GNG4: variants seen among roughly 807,000 people sequenced by gnomAD.
GNG4 encodes guanine nucleotide-binding protein G(I)/G(S)/G(O) subunit gamma-4.
In GNG4, 4 loss-of-function variants were observed where a neutral mutation model predicts 5.8. The observed-to-expected ratio is 0.69, with a 90% CI of 0.34 to 1.57. The LOEUF (loss-of-function observed/expected upper bound fraction) is 1.57, where lower values mean the gene tolerates loss of function less well. GNG4 is among the 40% of genes most tolerant of loss of function. The probability of loss-of-function intolerance (pLI) is 0.06; values close to 1 mark genes in which losing one functional copy is unlikely to be tolerated. For synonymous variants in GNG4, 29 were observed against 32.9 expected, an observed-to-expected ratio of 0.88 and a Z score of 0.41; for missense variants, 96 against 95.1, an observed-to-expected ratio of 1.01 and a Z score of -0.04.
chr1:235,615,680 A>G, intron 1 of GNG4: 1 of 212,086 alleles, frequency 4.7e-6, no homozygotes, highest in Non-Finnish European at 1.0e-5. Flanking sequence ...TTTCTCAAAC[A>G]GGAAAATGAA....
intron 2 of GNG4, among the ~76,000 whole-genome samples, chr1:235,593,291 C>G (rs2102953760): frequency 6.6e-6 from 1 of 152,336 alleles, no homozygotes; most frequent in East Asian, 1.9e-4. Flanking sequence ...CAGCACACAA[C>G]TCAGTAAATA....
chr1:235,629,270 C>T (rs937866876), intron 1 of GNG4, among the ~76,000 whole-genome samples: 2 of 152,066 alleles, frequency 1.3e-5, no homozygotes, highest in Non-Finnish European at 1.5e-5. Context: ...CCACCTTGGC[C>T]TCCCAAAGTG....
intron 3 of GNG4, among the ~76,000 whole-genome samples, chr1:235,581,305 G>A (rs1332859296): frequency 2.6e-5 from 4 of 152,052 alleles, no homozygotes; most frequent in South Asian, 2.1e-4. Context: ...CGAGGCAGGC[G>A]GATCACGAGG....
chr1:235,556,182 C>T (rs7539879), intron 3 of GNG4, among the ~76,000 whole-genome samples: 100,068 of 151,632 alleles, frequency 0.66, 33,888 homozygotes, highest in East Asian at 0.85. Context: ...TTTTCAAGTA[C>T]ACATGATAAG....
chr1:235,554,564 C>T (rs982610841), intron 3 of GNG4, among the ~76,000 whole-genome samples: 2 of 152,190 alleles, frequency 1.3e-5, no homozygotes, highest in African/African-American at 2.4e-5. Flanking sequence ...AATGGCTCGG[C>T]TGGACGCAGT....
rs559720406 is a variant in GNG4, at chr1:235,571,442, G to A, written c.99+12298C>T. On this transcript the variant is annotated intron_variant, in intron 3 of 3. Transcript: ENST00000391854. ...GCTGTGAGAATTGAATGAATTTAAT[G>A]TGACTTGTTCAGAACAACGCGTATT... Among the ~76,000 whole-genome samples the A allele has an allele frequency of 6.6e-5, 10 of 152,296 alleles. No individual in the cohort carries two copies. The East Asian group carries it at 1.5e-3, about 24-fold the overall frequency.
Position 235,636,818 on chromosome 1 carries a change from G to T in GNG4, c.-123+12844C>A, listed in dbSNP as rs537592644. Among the ~76,000 whole-genome samples the T allele has an allele frequency of 1.4e-4, 21 of 152,228 alleles. No homozygotes were observed. The Middle Eastern group carries it at 0.01, about 74-fold the overall frequency. On this transcript the variant is annotated intron_variant, in intron 1 of 3. Coordinates refer to ENST00000391854, the MANE Select transcript of GNG4 (RefSeq NM_001098722.2). ...ATTCTGGGACCCTATTTCCTTGTAA[G>T]TGCATTCTAGGTCTTTCCCTGCTAC...
chr1:235,616,105 G>A, intron 1 of GNG4: 1 of 447,458 alleles, frequency 2.2e-6, no homozygotes, highest in Admixed American at 2.5e-5. Flanking sequence ...GCGCTAGGAG[G>A]ACCATTCAGC....
chr1:235,588,225 TG>T (rs1241116890), intron 2 of GNG4, among the ~76,000 whole-genome samples: 2 of 152,082 alleles, frequency 1.3e-5, no homozygotes, highest in African/African-American at 2.4e-5. Context: ...TTCCTTGTTG[TG>T]CGCTGGAGAT....
At chr1:235,583,377 A>T (rs1206791000) in intron 3 of GNG4, among the ~76,000 whole-genome samples, 1 of 152,246 alleles carries the variant, frequency 6.6e-6, no homozygotes, top group Non-Finnish European at 1.5e-5. Context: ...CTGTCAAAAT[A>T]TCCGATGTTG....
intron 3 of GNG4, among the ~76,000 whole-genome samples, chr1:235,557,504 C>A (rs1436120592): frequency 1.3e-5 from 2 of 152,148 alleles, no homozygotes; most frequent in Admixed American, 1.3e-4. Context: ...CTCCAAGACA[C>A]CCCTTCCTCT....
rs1657370637 is a variant in GNG4 at position 235,642,754 on chromosome 1, T to G, written c.-123+6908A>C. On this transcript the variant is annotated intron_variant, in intron 1 of 3. Transcript: ENST00000391854. This position sits in a 1 kb window ranked among gnomAD's most constrained non-coding sequence, Gnocchi z 4.3. ...GTGTTCTTGGAGGCGCGGGCCTCCC[T>G]GCTGTCATCACACCTCGGATCACCC... is the stretch of plus-strand genomic sequence containing the variant. Among the ~76,000 whole-genome samples the G allele has an allele frequency of 1.3e-5, 2 of 152,278 alleles. No individual in the cohort carries two copies. The highest frequency in any genetic ancestry group is 4.1e-4 in the South Asian group (2 of 4,828).
At chr1:235,592,748 T>G (rs1688004183) in intron 2 of GNG4, among the ~76,000 whole-genome samples, 2 of 152,170 alleles carry the variant, frequency 1.3e-5, no homozygotes, top group Non-Finnish European at 2.9e-5. Context: ...ATCTTACCTG[T>G]AACTTCTTTC....
chr1:235,609,533 T>G (rs1476633365), intron 1 of GNG4, among the ~76,000 whole-genome samples: 2 of 152,196 alleles, frequency 1.3e-5, no homozygotes, highest in Non-Finnish European at 2.9e-5. Context: ...TTGGCATCAT[T>G]TACTTTAAAA....
intron 3 of GNG4, among the ~76,000 whole-genome samples, chr1:235,572,988 CA>C (rs2102930634): frequency 6.6e-6 from 1 of 152,238 alleles, no homozygotes; most frequent in East Asian, 1.9e-4. Flanking sequence ...ATGCTTGCTG[CA>C]GTGCTTCCTT....
intron 3 of GNG4, among the ~76,000 whole-genome samples, chr1:235,582,096 C>A (rs1477359870): frequency 1.3e-5 from 2 of 152,232 alleles, no homozygotes; most frequent in Non-Finnish European, 2.9e-5. Flanking sequence ...TGTTGATTTT[C>A]TTGGTGTGTT....
chr1:235,643,282 C>G (rs1657390714), intron 1 of GNG4, among the ~76,000 whole-genome samples: 1 of 152,340 alleles, frequency 6.6e-6, no homozygotes, highest in Middle Eastern at 3.4e-3. Flanking sequence ...TGCTGGCCGC[C>G]CTGCCTGGAA....
intron 1 of GNG4, among the ~76,000 whole-genome samples, chr1:235,605,418 G>A (rs908926802): frequency 1.2e-4 from 19 of 152,110 alleles, no homozygotes; most frequent in African/African-American, 3.9e-4. Flanking sequence ...CAGGTGGTCC[G>A]CCCGCCTTGG....
At position 235,644,859 on chromosome 1, in the gene GNG4, G is replaced by C. The variant is rs1215735396; in HGVS notation, c.-123+4803C>G. 1.3e-5 allele frequency among the ~76,000 whole-genome samples: 2 copies of C among 152,186 alleles called. No homozygotes were observed. The highest frequency in any genetic ancestry group is 4.8e-5 in the African/African-American group (2 of 41,450). Reference sequence around the variant, plus strand: ...CGGGCTGGAGAGACATCCAGGAGGAGGATGCCAGTTGTTGGGTGTAGCTGG... The same window carrying C: ...CGGGCTGGAGAGACATCCAGGAGGACGATGCCAGTTGTTGGGTGTAGCTGG... On this transcript the variant is annotated intron_variant, in intron 1 of 3. Coordinates refer to ENST00000391854, the MANE Select transcript of GNG4 (RefSeq NM_001098722.2). This position sits in a 1 kb window ranked among gnomAD's most constrained non-coding sequence, Gnocchi z 5.9.
Sources: gnomAD v4.1 joint callset for allele counts (sites outside exome capture counted in the v4.1 genomes callset) on GRCh38, gnomAD v4.1.1 for gene constraint, Gnocchi (gnomAD v3.1) non-coding constraint, MANE v1.5 for transcripts, NCBI Gene and HGNC (gene_info 2026-07-23, HGNC 2026-07-21) for gene names.